UQCC1: variants seen among roughly 807,000 people sequenced by gnomAD.
UQCC1 encodes the protein bFGF-repressed Zic-binding protein.
In UQCC1, 38 loss-of-function variants were observed where a neutral mutation model predicts 48.0. The ratio of observed to expected loss-of-function variants is 0.79; its 90% CI spans 0.61 to 1.04. The LOEUF (loss-of-function observed/expected upper bound fraction) is 1.04. Among genes scored for constraint, UQCC1 ranks in the 50% least tolerant of loss-of-function variants. The pLI, the probability that UQCC1 is intolerant of heterozygous loss-of-function variation, is 0.00. For synonymous variants in UQCC1, 111 were observed against 129.2 expected, an observed-to-expected ratio of 0.86 and a Z score of 0.95; for missense variants, 368 against 381.8, an observed-to-expected ratio of 0.96 and a Z score of 0.30.
At chr20:35,404,641 A>G (rs2062223115) in intron 1 of UQCC1, among the ~76,000 whole-genome samples, 1 of 151,304 alleles carries the variant, frequency 6.6e-6, no homozygotes, top group African/African-American at 2.4e-5. Flanking sequence ...CGTTGTGCAC[A>G]TGTACCCTAG....
In UQCC1 at chr20:35,368,328, G is replaced by T. The variant is rs1396584246; in HGVS notation, c.407-1714C>A. On this transcript the variant is annotated intron_variant, in intron 5 of 9. Transcript: ENST00000374385. ...TCTACTGGGTTCTTTACATCCATGAGCTCAATGAATCCTCCCAATAACCCT... is the reference window on the plus strand; with the variant it reads ...TCTACTGGGTTCTTTACATCCATGATCTCAATGAATCCTCCCAATAACCCT... Among the ~76,000 whole-genome samples the T allele has an allele frequency of 2.6e-5, 4 of 152,140 alleles. No homozygotes were observed. The East Asian group carries it at 7.7e-4, about 29-fold the overall frequency.
chr20:35,341,177 C>T (rs534569243), intron 7 of UQCC1, among the ~76,000 whole-genome samples: 16 of 144,162 alleles, frequency 1.1e-4, no homozygotes, highest in Admixed American at 2.1e-4. Context: ...GCCAAGGTCG[C>T]GCCACTGTAC....
intron 2 of UQCC1, among the ~76,000 whole-genome samples, chr20:35,389,344 C>T (rs1474922147): frequency 6.6e-6 from 1 of 152,094 alleles, no homozygotes; most frequent in African/African-American, 2.4e-5. Context: ...GCGCATAGAT[C>T]ACAAGGTCAG....
At chr20:35,342,646 G>C (rs2061393717) in intron 7 of UQCC1, among the ~76,000 whole-genome samples, 1 of 152,106 alleles carries the variant, frequency 6.6e-6, no homozygotes, top group Non-Finnish European at 1.5e-5. Context: ...GTGCGGCAAG[G>C]GCCCAAGGAA....
Position 35,374,262 on chromosome 20 carries a change from CAA to C in UQCC1, c.334-8_334-7del. The stretch of plus-strand genomic sequence containing the variant: ...AGGGCCGCAATCTTAATCTTCTAGA[CAA>C]AGAGAATAAAACCAAACTCAAGACA... On this transcript the variant is annotated splice_region_variant and splice_polypyrimidine_tract_variant and intron_variant, in intron 4 of 9. Transcript: ENST00000374385. The C allele has an allele frequency of 1.2e-6, 2 of 1,607,586 alleles. No individual in the cohort carries two copies. Among genetic ancestry groups the C allele is most frequent in the East Asian group, 2.2e-5 (1 of 44,566 alleles).
chr20:35,405,614 G>A (rs1327149886), intron 1 of UQCC1, among the ~76,000 whole-genome samples: 1 of 152,226 alleles, frequency 6.6e-6, no homozygotes, highest in Non-Finnish European at 1.5e-5. Flanking sequence ...GTGGCCGGGT[G>A]CGGTGGCTTA....
At chr20:35,341,229 AAAAAAAAAAGAAAG>A (rs1430308117) in intron 7 of UQCC1, among the ~76,000 whole-genome samples, 1 of 151,390 alleles carries the variant, frequency 6.6e-6, no homozygotes, top group Non-Finnish European at 1.5e-5. Flanking sequence ...AAAAAAAAAA[AAAAAAAAAAGAAAG>A]AAAGAAAGAA....
At chr20:35,394,376 T>G (rs1018950033) in intron 1 of UQCC1, among the ~76,000 whole-genome samples, 180 bp from the exon 2 acceptor site, 2 of 152,102 alleles carry the variant, frequency 1.3e-5, no homozygotes, top group East Asian at 3.9e-4. Context: ...TGTCTGTAAC[T>G]CATAATAAGC....
At chr20:35,356,960 C>A (rs946730158) in intron 6 of UQCC1, among the ~76,000 whole-genome samples, 1 of 151,946 alleles carries the variant, frequency 6.6e-6, no homozygotes, top group Admixed American at 6.6e-5. Context: ...AATAGAGACA[C>A]GAAAAAAATA....
At chr20:35,379,082 C>A (rs2061836576) in intron 4 of UQCC1, among the ~76,000 whole-genome samples, 1 of 152,154 alleles carries the variant, frequency 6.6e-6, no homozygotes, top group South Asian at 2.1e-4. Flanking sequence ...AATATGGAAA[C>A]CTATTCTATG....
At chr20:35,343,126 A>G (rs1401472364) in intron 7 of UQCC1, among the ~76,000 whole-genome samples, 1 of 152,152 alleles carries the variant, frequency 6.6e-6, no homozygotes, top group African/African-American at 2.4e-5. Context: ...AAAAATCACT[A>G]CTACATTGAT....
chr20:35,346,242 C>G (rs916911689), intron 7 of UQCC1: 1 of 152,222 alleles, frequency 6.6e-6, no homozygotes, highest in African/African-American at 2.4e-5. Context: ...GCTGGCCACC[C>G]TAGCCAGCAG....
At chr20:35,403,868 AC>A (rs2062205782) in intron 1 of UQCC1, among the ~76,000 whole-genome samples, 1 of 152,156 alleles carries the variant, frequency 6.6e-6, no homozygotes, top group African/African-American at 2.4e-5. Flanking sequence ...CAATGAGAAC[AC>A]TTGGACACAG....
chr20:35,396,610 C>T lies in UQCC1; in HGVS notation c.25-2414G>A, dbSNP rs573316598. Among the ~76,000 whole-genome samples the T allele has an allele frequency of 1.4e-4, 21 of 152,230 alleles. No homozygotes were observed. In the South Asian group the frequency reaches 4.4e-3, roughly 32 times the overall value. ...AGAAGTTTTGCAGTGGGAAAACACACGTGGGCAACTTGATTTCCAAGACAA... is the reference window on the plus strand; with the variant it reads ...AGAAGTTTTGCAGTGGGAAAACACATGTGGGCAACTTGATTTCCAAGACAA... On this transcript the variant is annotated intron_variant, in intron 1 of 9. Transcript: ENST00000374385.
At chr20:35,336,116 G>T (rs1466619906) in intron 7 of UQCC1, among the ~76,000 whole-genome samples, 1 of 152,216 alleles carries the variant, frequency 6.6e-6, no homozygotes, top group Non-Finnish European at 1.5e-5. Context: ...CAACACTTGG[G>T]TTAAAAATCT....
At chr20:35,311,667 G>A (rs1460696146) in intron 8 of UQCC1, among the ~76,000 whole-genome samples, 2 of 152,120 alleles carry the variant, frequency 1.3e-5, no homozygotes, top group African/African-American at 4.8e-5. Context: ...TCCTCTAGGT[G>A]ACTCACATGC....
intron 2 of UQCC1, among the ~76,000 whole-genome samples, chr20:35,391,311 T>A (rs1429681318): frequency 6.6e-6 from 1 of 152,104 alleles, no homozygotes; most frequent in African/African-American, 2.4e-5. Flanking sequence ...AGTGTCTAAA[T>A]CTTGAGAAGA....
intron 7 of UQCC1, among the ~76,000 whole-genome samples, chr20:35,338,372 T>C (rs911634804): frequency 4.6e-5 from 7 of 152,168 alleles, no homozygotes; most frequent in East Asian, 1.9e-4. Flanking sequence ...TTTCTTTCAA[T>C]TGGAAGGTAC....
chr20:35,345,863 T>C (rs1385892362), intron 7 of UQCC1: 1 of 152,204 alleles, frequency 6.6e-6, no homozygotes, highest in East Asian at 1.9e-4. Context: ...GACCCAGTCA[T>C]GGTTCTACTT....
Sources: gnomAD v4.1 joint callset for allele counts (sites outside exome capture counted in the v4.1 genomes callset) on GRCh38, gnomAD v4.1.1 for gene constraint, MANE v1.5 for transcripts, NCBI Gene and HGNC (gene_info 2026-07-23, HGNC 2026-07-21) for gene names.